The following DLST variants were observed in gnomAD, a reference collection of about 807,000 sequenced individuals.
DLST encodes dihydrolipoamide S-succinyltransferase, also known as dihydrolipoyllysine-residue succinyltransferase component of 2-oxoglutarate dehydrogenase complex, mitochondrial.
In DLST, 17 loss-of-function variants were observed where a neutral mutation model predicts 53.1. The ratio of observed to expected loss-of-function variants is 0.32; its 90% CI spans 0.22 to 0.48. The LOEUF (loss-of-function observed/expected upper bound fraction) is 0.48, where lower values mean the gene tolerates loss of function less well. Among genes scored for constraint, DLST ranks in the 20% least tolerant of loss-of-function variants. DLST has a pLI of 0.99. For missense variants in DLST, 512 were observed against 583.9 expected (o/e 0.88, Z 1.27); for synonymous variants, 206 against 204.8 (o/e 1.01, Z -0.05).
intron 10 of DLST, among the ~76,000 whole-genome samples, chr14:74,895,986 T>C (rs1231502803): frequency 6.6e-6 from 1 of 152,230 alleles, no homozygotes; most frequent in Non-Finnish European, 1.5e-5. Context: ...CCCAAATGGC[T>C]GGGACCACTA....
Position 74,900,388 on chromosome 14 carries a change from G to A in DLST, c.1059+16G>A, listed in dbSNP as rs1366518819. The A allele has an allele frequency of 6.2e-7, 1 of 1,610,160 alleles. No individual in the cohort carries two copies. The highest frequency in any genetic ancestry group is 8.5e-7 in the Non-Finnish European group (1 of 1,176,552). On this transcript the variant is annotated intron_variant, in intron 13 of 14. Coordinates refer to ENST00000334220, the MANE Select transcript of DLST (RefSeq NM_001933.5). ...GGGAGAGAAGGTAAAGTAGAAAGAT[G>A]TATACAAGCTGCTAAGCAGGCGAGG... is the stretch of plus-strand genomic sequence containing the variant.
At chr14:74,891,358 T>G in intron 7 of DLST, 191 bp downstream of exon 7, 3 of 1,366,486 alleles carry the variant, frequency 2.2e-6, no homozygotes, top group Non-Finnish European at 2.8e-6. Flanking sequence ...AGTGTATTTT[T>G]TAAAAAATAA....
chr14:74,885,396 C>A (rs1270550900), intron 2 of DLST, among the ~76,000 whole-genome samples, 190 bp from the exon 3 acceptor site: 1 of 152,182 alleles, frequency 6.6e-6, no homozygotes, highest in Non-Finnish European at 1.5e-5. Context: ...ATCTCACATA[C>A]CCATTTGCTC....
At chr14:74,891,954 T>C in intron 7 of DLST, 3 of 650,096 alleles carry the variant, frequency 4.6e-6, no homozygotes, top group Non-Finnish European at 5.7e-6. Context: ...TAACCCTGGA[T>C]ATAATGTCCA....
chr14:74,886,919 A>G (rs1883723651), intron 3 of DLST, among the ~76,000 whole-genome samples: 1 of 151,614 alleles, frequency 6.6e-6, no homozygotes. Flanking sequence ...TTTTTGTATT[A>G]GTAGAGACGG....
chr14:74,901,862 A>T lies in DLST; in HGVS notation c.1228-334A>T, dbSNP rs112204356. ...TGGCTTAATTTTTTTTTTTTTTTTT[A>T]AATTCTAACCCCAGAGAGAAGCAAG... is the stretch of plus-strand genomic sequence containing the variant. On this transcript the variant is annotated intron_variant, in intron 14 of 14. Transcript: ENST00000334220. Among the ~76,000 whole-genome samples the T allele has an allele frequency of 4.6e-3, 675 of 147,954 alleles. 3 individuals are homozygous for T. Among genetic ancestry groups the T allele is most frequent in the African/African-American group, 0.016 (627 of 40,064 alleles).
intron 3 of DLST, among the ~76,000 whole-genome samples, chr14:74,887,789 T>C (rs1206892195): frequency 1.3e-5 from 2 of 152,262 alleles, no homozygotes; most frequent in East Asian, 3.8e-4. Flanking sequence ...TTACAAACTA[T>C]ATGTAGAACA....
At chr14:74,886,266 A>T (rs1883700800) in intron 3 of DLST, among the ~76,000 whole-genome samples, 1 of 152,220 alleles carries the variant, frequency 6.6e-6, no homozygotes, top group South Asian at 2.1e-4. Flanking sequence ...TACAGGGAGA[A>T]TCCTCAAAGT....
intron 7 of DLST, chr14:74,891,937 T>G: frequency 1.2e-6 from 1 of 805,362 alleles, no homozygotes; most frequent in Non-Finnish European, 1.5e-6. Context: ...GAAGTTTGTC[T>G]TAGCACTAAC....
intron 5 of DLST, 108 bp from the exon 6 acceptor site, chr14:74,889,789 T>C: frequency 9.8e-7 from 1 of 1,019,802 alleles, no homozygotes; most frequent in South Asian, 1.4e-5. Context: ...TACTTTCTGC[T>C]GGCCCTGTAG....
At chr14:74,895,084 A>T (rs535542579) in intron 10 of DLST, among the ~76,000 whole-genome samples, 1 of 152,068 alleles carries the variant, frequency 6.6e-6, no homozygotes. Flanking sequence ...AAAATTAGCC[A>T]GGTGTGGTGG....
At position 74,889,147 on chromosome 14, in the gene DLST, A is replaced by G; in HGVS notation, c.199A>G (p.Lys67Glu). ...VRFFRTTAVC[K>E]DDLVTVKTPA... ...CTTTTTCAGAACTACAGCTGTATGC[A>G]GTAAGTACCTGCTTTCTTGGGAATG... Residue 67 changes from lysine (K) to glutamate (E), a missense_variant and splice_region_variant, in exon 4 of 15, where the codon AAG becomes GAG. Transcript: ENST00000334220. The G allele has an allele frequency of 1.2e-6, 2 of 1,614,164 alleles. No individual in the cohort carries two copies. Among genetic ancestry groups the G allele is most frequent in the South Asian group, 1.1e-5 (1 of 91,076 alleles).
At chr14:74,893,450 G>T (rs1337720145) in intron 9 of DLST, 26 bp downstream of exon 9, 2 of 1,613,598 alleles carry the variant, frequency 1.2e-6, no homozygotes, top group African/African-American at 2.7e-5. Context: ...CCACTTTCAG[G>T]AAAGAGGCAG....
intron 7 of DLST, 82 bp downstream of exon 7, chr14:74,891,249 T>C: frequency 6.3e-7 from 1 of 1,592,102 alleles, no homozygotes; most frequent in Non-Finnish European, 8.6e-7. Context: ...AATTCCCCGA[T>C]ATGTCAAAGA....
chr14:74,889,035 C>G (rs1883804650), intron 3 of DLST, 60 bp from the exon 4 acceptor site: 1 of 1,582,368 alleles, frequency 6.3e-7, no homozygotes, highest in African/African-American at 1.4e-5. Context: ...GGGGCCTTAA[C>G]TAGACTAAAA....
At chr14:74,889,825 C>CA in intron 5 of DLST, 72 bp from the exon 6 acceptor site, 1 of 1,514,618 alleles carries the variant, frequency 6.6e-7, no homozygotes, top group East Asian at 2.3e-5. Flanking sequence ...ACATACCTGC[C>CA]AAAATGGGTT....
chr14:74,901,265 C>G, intron 14 of DLST, 32 bp downstream of exon 14: 1 of 1,582,656 alleles, frequency 6.3e-7, no homozygotes, highest in African/African-American at 1.4e-5. Flanking sequence ...GTCCTAGTGG[C>G]TAGGTCTCGA....
rs759506489 is a variant in DLST at position 74,902,310 on chromosome 14, G to A, written c.1342G>A (p.Val448Ile). The A allele has an allele frequency of 2.5e-6, 4 of 1,612,068 alleles. No homozygotes were observed. In the Admixed American group the frequency reaches 6.7e-5, roughly 27 times the overall value. ...KIKAAVEDPRVLLLDL is the reference protein window; with the variant it reads ...KIKAAVEDPRILLLDL Reference sequence around the variant, plus strand: ...CAAGGCAGCGGTAGAGGATCCCAGAGTCCTCCTCCTGGATCTTTAGGAGGA... The same window carrying A: ...CAAGGCAGCGGTAGAGGATCCCAGAATCCTCCTCCTGGATCTTTAGGAGGA... The change falls in exon 15 of 15, where the codon GTC (valine) becomes ATC (isoleucine). Residue 448 changes from valine to isoleucine, a missense_variant. By Grantham distance (29) the Val-to-Ile change is conservative. Transcript: ENST00000334220.
At chr14:74,901,375 C>A (rs950709359) in intron 14 of DLST, 142 bp downstream of exon 14, 1 of 817,110 alleles carries the variant, frequency 1.2e-6, no homozygotes, top group East Asian at 2.7e-5. Context: ...CACTGATTAT[C>A]AAATTGTGGT....
Sources: gnomAD v4.1 joint callset for allele counts (sites outside exome capture counted in the v4.1 genomes callset) on GRCh38, gnomAD v4.1.1 for gene constraint, MANE v1.5 for transcripts, NCBI Gene and HGNC (gene_info 2026-07-23, HGNC 2026-07-21) for gene names.